Variants in ABI3BP observed in about 807,000 individuals in gnomAD.
ABI3BP encodes ABI family member 3 binding protein.
Under a neutral mutation model 268.6 loss-of-function variants are expected in ABI3BP, and 216 were observed. That is an observed-to-expected ratio of 0.80 (90% CI 0.72 to 0.90). The LOEUF (loss-of-function observed/expected upper bound fraction) is 0.90. ABI3BP is among the 40% of genes least tolerant of loss of function. The pLI, the probability that ABI3BP is intolerant of heterozygous loss-of-function variation, is 0.00. For missense variants in ABI3BP, 2,090 were observed against 2,182.4 expected, an observed-to-expected ratio of 0.96 and a Z score of 0.84; for synonymous variants, 730 against 730.0, an observed-to-expected ratio of 1.00 and a Z score of 0.00.
intron 44 of ABI3BP, among the ~76,000 whole-genome samples, chr3:100,814,855 C>T (rs62274054): frequency 6.6e-6 from 1 of 152,090 alleles, no homozygotes; most frequent in Non-Finnish European, 1.5e-5. Flanking sequence ...ATGTAGGGCA[C>T]ACGATGAATT....
At chr3:100,763,465 A>T (rs920907004) in intron 63 of ABI3BP, among the ~76,000 whole-genome samples, 4 of 146,006 alleles carry the variant, frequency 2.7e-5, no homozygotes, top group Admixed American at 1.4e-4. Flanking sequence ...CTCTGTCTCA[A>T]AAAAAAAAAA....
chr3:100,795,910 A>C (rs1267981756), intron 52 of ABI3BP, 59 bp from the exon 53 acceptor site: 6 of 1,188,704 alleles, frequency 5.0e-6, no homozygotes, highest in Middle Eastern at 2.3e-4. Context: ...GGCAAAGTCA[A>C]AATAGTTTCC....
chr3:100,827,173 A>G (rs997598907), intron 34 of ABI3BP, among the ~76,000 whole-genome samples: 4 of 152,284 alleles, frequency 2.6e-5, no homozygotes, highest in Admixed American at 6.5e-5. Flanking sequence ...TTTAATTTGC[A>G]AAAACACCCT....
chr3:100,807,069 A>G (rs914816490), intron 50 of ABI3BP, among the ~76,000 whole-genome samples: 1 of 151,982 alleles, frequency 6.6e-6, no homozygotes, highest in Admixed American at 6.6e-5. Context: ...ATAGTTCAAC[A>G]TTCAAGTTTT....
In ABI3BP at chr3:100,787,928, T is replaced by C. The variant is rs142153409; in HGVS notation, c.4088-126A>G. ...AAAAGATGACTTACCAAAAATATTA[T>C]TCAGAATATAGAAACCACAGTCTCG... On this transcript the variant is annotated intron_variant, in intron 56 of 67. Transcript: ENST00000471714. 1.1e-5 allele frequency: 6 copies of C among 569,694 alleles called. No individual in the cohort carries two copies. The Admixed American group carries it at 1.5e-4, about 14-fold the overall frequency. The allele number at this position is 569,694 out of a possible 1,614,324, so 35.3% of individuals were successfully genotyped here.
At chr3:100,760,311 G>A in intron 63 of ABI3BP, among the ~76,000 whole-genome samples, 1 of 152,170 alleles carries the variant, frequency 6.6e-6, no homozygotes, top group Non-Finnish European at 1.5e-5. Context: ...GTAAAGTAAG[G>A]AGAGAGGTGA....
chr3:100,954,468 C>T (rs1323546004), intron 1 of ABI3BP, among the ~76,000 whole-genome samples: 1 of 152,152 alleles, frequency 6.6e-6, no homozygotes, highest in East Asian at 1.9e-4. Flanking sequence ...TCCTTCAGTA[C>T]ATTTATTTTT....
chr3:100,867,811 T>C (rs1339291156), intron 9 of ABI3BP, among the ~76,000 whole-genome samples: 1 of 152,152 alleles, frequency 6.6e-6, no homozygotes, highest in Non-Finnish European at 1.5e-5. Flanking sequence ...GAGCCTCATA[T>C]TAATGTAGAT....
In ABI3BP at chr3:100,813,751, C is replaced by T; in HGVS notation, c.3290-16G>A. The T allele has an allele frequency of 6.5e-7, 1 of 1,530,594 alleles. No homozygotes were observed. Among genetic ancestry groups the T allele is most frequent in the Non-Finnish European group, 8.8e-7 (1 of 1,142,240 alleles). The allele number at this position is 1,530,594 out of a possible 1,614,324, so 94.8% of individuals were successfully genotyped here. On this transcript the variant is annotated splice_polypyrimidine_tract_variant and intron_variant, in intron 44 of 67. Coordinates refer to ENST00000471714, the MANE Select transcript of ABI3BP (RefSeq NM_001375547.2). The stretch of plus-strand genomic sequence containing the variant: ...TCAGTCAGAGCTGAAAGAAGAGGGT[C>T]TCAATTGTAAGAGTAATTTTCAGTT...
chr3:100,787,404 G>A (rs1185677429), intron 57 of ABI3BP, among the ~76,000 whole-genome samples: 3 of 152,126 alleles, frequency 2.0e-5, no homozygotes, highest in Non-Finnish European at 4.4e-5. Flanking sequence ...ACTAGTCTGT[G>A]TAGAAAAAGC....
rs80103868 is a variant in ABI3BP at position 100,782,715 on chromosome 3, G to T, written c.4163-2506C>A. On this transcript the variant is annotated intron_variant, in intron 57 of 67. Transcript: ENST00000471714. Reference sequence around the variant, plus strand: ...CAGAGGAGAGCAAATGAAGGTCAAAGGTAGCAGAGAGGGAATGGGAAGAGA... The same window carrying T: ...CAGAGGAGAGCAAATGAAGGTCAAATGTAGCAGAGAGGGAATGGGAAGAGA... 6.0e-3 allele frequency among the ~76,000 whole-genome samples: 917 copies of T among 152,086 alleles called. 11 individuals are homozygous for T. Among genetic ancestry groups the T allele is most frequent in the African/African-American group, 0.021 (885 of 41,472 alleles).
At chr3:100,953,844 T>C (rs1177915541) in intron 1 of ABI3BP, among the ~76,000 whole-genome samples, 2 of 152,164 alleles carry the variant, frequency 1.3e-5, no homozygotes, top group Admixed American at 1.3e-4. Context: ...CATGTTGAAC[T>C]GCAAACCCTG....
At chr3:100,779,756 A>G (rs951876665) in intron 58 of ABI3BP, among the ~76,000 whole-genome samples, 15 of 152,234 alleles carry the variant, frequency 9.9e-5, no homozygotes, top group African/African-American at 2.9e-4. Context: ...AATCAGGAAC[A>G]TAAGTAATAT....
At chr3:100,817,704 C>T (rs1014733708) in intron 41 of ABI3BP, among the ~76,000 whole-genome samples, 2 of 152,122 alleles carry the variant, frequency 1.3e-5, no homozygotes, top group African/African-American at 4.8e-5. Context: ...AAAACATTCT[C>T]CTAGATGTTT....
intron 14 of ABI3BP, among the ~76,000 whole-genome samples, chr3:100,860,026 C>T (rs578037644): frequency 2.0e-5 from 3 of 152,212 alleles, no homozygotes; most frequent in South Asian, 2.1e-4. Context: ...GAGCCGAGAT[C>T]GCACCCATCG....
chr3:100,830,134 T>TATATATATAC (rs2098463714), intron 32 of ABI3BP, among the ~76,000 whole-genome samples: 1 of 57,776 alleles, frequency 1.7e-5, no homozygotes, highest in African/African-American at 4.9e-5. Context: ...TATATATATA[T>TATATATATAC]ATATATATAT....
chr3:100,873,264 T>A (rs924935590), intron 9 of ABI3BP, among the ~76,000 whole-genome samples: 1 of 152,186 alleles, frequency 6.6e-6, no homozygotes, highest in Non-Finnish European at 1.5e-5. Context: ...CTTTTCAGGT[T>A]TTTTTAAAAA....
intron 1 of ABI3BP, among the ~76,000 whole-genome samples, chr3:100,944,309 G>A (rs1584427905): frequency 1.3e-5 from 2 of 152,078 alleles, no homozygotes; most frequent in African/African-American, 2.4e-5. Context: ...ATATTACTCT[G>A]AGTAATTTTC....
In ABI3BP at chr3:100,886,271, GA is replaced by G; in HGVS notation, c.513del (p.Gln172LysfsTer13). On this transcript the variant is annotated frameshift_variant, in exon 5 of 68. Coordinates refer to ENST00000471714, the MANE Select transcript of ABI3BP (RefSeq NM_001375547.2). LOFTEE classifies it high-confidence loss of function. Reference sequence around the variant, plus strand: ...ATTGTTTCAGTGGCTGGACAGATTTGAAAAATCCACTTCTTTTCTTTATCCT... The same window carrying G: ...ATTGTTTCAGTGGCTGGACAGATTTGAAAATCCACTTCTTTTCTTTATCCT... The part of the protein sequence containing the change: ...REKDKEKKWI[F>X]QICPATETIV... 1 of 1,608,834 alleles carries G rather than the reference GA, an allele frequency of 6.2e-7. No homozygotes were observed. The highest frequency in any genetic ancestry group is 8.5e-7 in the Non-Finnish European group (1 of 1,177,296).
Sources: allele counts gnomAD v4.1 joint callset (sites outside exome capture counted in the v4.1 genomes callset), GRCh38; gene constraint gnomAD v4.1.1; transcripts MANE v1.5; gene names NCBI Gene and HGNC (gene_info 2026-07-23, HGNC 2026-07-21).